The following MFAP3L variants were observed in gnomAD, a reference collection of about 807,000 sequenced individuals.
The protein encoded by MFAP3L is microfibril associated protein 3 like, also known as microfibrillar-associated protein 3-like.
Under a neutral mutation model 20.0 loss-of-function variants are expected in MFAP3L, and 5 were observed. The ratio of observed to expected loss-of-function variants is 0.25; its 90% CI spans 0.13 to 0.53. The LOEUF (loss-of-function observed/expected upper bound fraction) is 0.53, where lower values mean the gene tolerates loss of function less well. Among genes scored for constraint, MFAP3L ranks in the 20% least tolerant of loss-of-function variants. MFAP3L has a pLI of 0.96. For missense variants in MFAP3L, 409 were observed against 527.5 expected (o/e 0.78, Z 2.20); for synonymous variants, 219 against 213.0 (o/e 1.03, Z -0.25).
At chr4:170,008,722 A>T (rs761888776) in intron 1 of MFAP3L, among the ~76,000 whole-genome samples, 1 of 152,092 alleles carries the variant, frequency 6.6e-6, no homozygotes, top group East Asian at 1.9e-4. Flanking sequence ...CAGGGTAGAA[A>T]CTTCTAGTCC....
chr4:170,006,113 T>C (rs1739015894), intron 1 of MFAP3L, 103 bp from the exon 2 acceptor site: 4 of 794,982 alleles, frequency 5.0e-6, no homozygotes, highest in Non-Finnish European at 6.9e-6. Context: ...AACATCAACA[T>C]ACTTTTTTTT....
intron 2 of MFAP3L, among the ~76,000 whole-genome samples, chr4:169,996,851 C>A (rs1052282497): frequency 6.6e-6 from 1 of 152,138 alleles, no homozygotes; most frequent in Non-Finnish European, 1.5e-5. Flanking sequence ...CTTAGAGGGG[C>A]CACAGGACCT....
At chr4:169,998,148 C>A (rs1323481285) in intron 2 of MFAP3L, among the ~76,000 whole-genome samples, 1 of 152,264 alleles carries the variant, frequency 6.6e-6, no homozygotes, top group African/African-American at 2.4e-5. Flanking sequence ...GGGAAGGCAG[C>A]TGACCTGGGA....
chr4:169,991,968 C>T lies in MFAP3L; in HGVS notation c.640G>A (p.Ala214Thr), dbSNP rs774533195. 1.4e-5 allele frequency: 23 copies of T among 1,613,980 alleles called. No individual in the cohort carries two copies. Among genetic ancestry groups the T allele is most frequent in the African/African-American group, 4.0e-5 (3 of 74,888 alleles). ...ACTTTGGCAAGCTCTAGAGTTTTGG[C>T]GGAGGTGATGATGGGGATGCGCTTG... The part of the protein sequence containing the change: ...IAKRIPIITS[A>T]KTLELAKVTQ... The change falls in exon 3 of 3, where the codon GCC (alanine) becomes ACC (threonine). Residue 214 changes from alanine to threonine, a missense_variant. Physicochemically the swap from Ala to Thr is moderately conservative, Grantham distance 58. Transcript: ENST00000361618. The surrounding 1 kb of genome is among the most constrained non-coding windows in gnomAD (Gnocchi z 4.9).
chr4:170,000,990 T>C (rs1185792721), intron 2 of MFAP3L, among the ~76,000 whole-genome samples: 1 of 152,152 alleles, frequency 6.6e-6, no homozygotes, highest in Non-Finnish European at 1.5e-5. Flanking sequence ...CCCAAAGTGC[T>C]GGGATTATAG....
chr4:169,994,651 C>A, intron 2 of MFAP3L: 10 of 662,852 alleles, frequency 1.5e-5, no homozygotes, highest in Non-Finnish European at 1.9e-5. Flanking sequence ...ACAGGCACTT[C>A]AAACATTTCT....
chr4:170,005,409 A>T (rs1738963877), intron 2 of MFAP3L, 171 bp downstream of exon 2: 1 of 772,358 alleles, frequency 1.3e-6, no homozygotes, highest in African/African-American at 1.8e-5. Flanking sequence ...AAAAAAATGA[A>T]TTAATTGCTT....
At chr4:170,008,513 A>C (rs1739182674) in intron 1 of MFAP3L, among the ~76,000 whole-genome samples, 1 of 152,178 alleles carries the variant, frequency 6.6e-6, no homozygotes, top group African/African-American at 2.4e-5. Context: ...TAAACCACAG[A>C]CCATGTCCAC....
At chr4:170,017,047 TTTGA>T (rs1417704977) in intron 1 of MFAP3L, among the ~76,000 whole-genome samples, 88 of 152,216 alleles carry the variant, frequency 5.8e-4, no homozygotes, top group African/African-American at 2.0e-3. Context: ...TCTGTGGTTG[TTTGA>T]TTAAGACCAT....
intron 1 of MFAP3L, among the ~76,000 whole-genome samples, chr4:170,018,793 CAACA>C (rs1371700593): frequency 6.6e-6 from 1 of 152,116 alleles, no homozygotes; most frequent in Non-Finnish European, 1.5e-5. Flanking sequence ...ACGACAACAA[CAACA>C]AAAAAACACC....
intron 1 of MFAP3L, among the ~76,000 whole-genome samples, chr4:170,023,008 G>T (rs1423495857): frequency 2.0e-5 from 3 of 152,132 alleles, no homozygotes; most frequent in Non-Finnish European, 4.4e-5. Context: ...GGACACCTTT[G>T]GTGGGGGGCA....
chr4:170,019,317 T>C (rs1333975310), intron 1 of MFAP3L, among the ~76,000 whole-genome samples: 1 of 151,830 alleles, frequency 6.6e-6, no homozygotes, highest in East Asian at 1.9e-4. Flanking sequence ...GGAGGCAGAG[T>C]CTGGAGATAG....
chr4:169,994,548 C>G lies in MFAP3L; in HGVS notation c.299-2239G>C, dbSNP rs369042044. On this transcript the variant is annotated intron_variant, in intron 2 of 2. Coordinates refer to ENST00000361618, the MANE Select transcript of MFAP3L (RefSeq NM_021647.8). ...TTGAATATTTAAAAATGTTTCTGAA[C>G]GTGAACTTTGAGTTTTCAGATATGA... The G allele has an allele frequency of 4.1e-6, 4 of 974,720 alleles. No homozygotes were observed. The African/African-American group carries it at 7.0e-5, about 17-fold the overall frequency. The allele number at this position is 974,720 out of a possible 1,614,324, so 60.4% of individuals were successfully genotyped here.
chr4:169,998,508 C>T (rs6836900), intron 2 of MFAP3L, among the ~76,000 whole-genome samples: 5,570 of 152,268 alleles, frequency 0.037, 358 homozygotes, highest in African/African-American at 0.13. Flanking sequence ...CCAAACACCA[C>T]TTCTACTGAA....
At chr4:170,024,231 G>T (rs923659627) in intron 1 of MFAP3L, among the ~76,000 whole-genome samples, 1 of 152,184 alleles carries the variant, frequency 6.6e-6, no homozygotes, top group African/African-American at 2.4e-5. Flanking sequence ...CAGTATGTAA[G>T]TAAGTCTTTG....
rs926768899 is a variant in MFAP3L at position 169,988,533 on chromosome 4, G to A, written c.*2845C>T. On this transcript the variant is annotated 3_prime_UTR_variant, in exon 3 of 3. Coordinates refer to ENST00000361618, the MANE Select transcript of MFAP3L (RefSeq NM_021647.8). ...CTGCCCAAATGAGTCCAATGTGCAC[G>A]AGTGTGTATGCACACACGTTCAGTC... 6 of 152,174 alleles carry A rather than the reference G, an allele frequency of 3.9e-5. No homozygotes were observed. The highest frequency in any genetic ancestry group is 6.5e-5 in the Admixed American group (1 of 15,278). 9.4% of individuals were successfully genotyped at this position (152,174 alleles called of 1,614,324 possible).
intron 2 of MFAP3L, chr4:169,997,834 G>A: frequency 2.1e-6 from 2 of 967,556 alleles, no homozygotes; most frequent in Non-Finnish European, 2.4e-6. Flanking sequence ...TGCTGAGAAT[G>A]TAGGGTAAGG....
At chr4:169,998,972 T>C (rs187137409) in intron 2 of MFAP3L, among the ~76,000 whole-genome samples, 1 of 152,372 alleles carries the variant, frequency 6.6e-6, no homozygotes, top group East Asian at 1.9e-4. Flanking sequence ...TATGTGTTTG[T>C]ATCTATAAAT....
intron 2 of MFAP3L, among the ~76,000 whole-genome samples, chr4:169,999,378 G>C (rs1023690285): frequency 6.6e-6 from 1 of 152,152 alleles, no homozygotes; most frequent in African/African-American, 2.4e-5. Flanking sequence ...ACTAATATCT[G>C]AAAATAACCT....
Sources: gnomAD v4.1 joint callset for allele counts (sites outside exome capture counted in the v4.1 genomes callset) on GRCh38, gnomAD v4.1.1 for gene constraint, Gnocchi (gnomAD v3.1) non-coding constraint, MANE v1.5 for transcripts, NCBI Gene and HGNC (gene_info 2026-07-23, HGNC 2026-07-21) for gene names.